HHIP: variants seen among roughly 807,000 people sequenced by gnomAD.
HHIP encodes the protein hedgehog-interacting protein.
In HHIP, 12 loss-of-function variants were observed where a neutral mutation model predicts 74.0. The observed-to-expected ratio is 0.16, with a 90% CI of 0.10 to 0.26. HHIP has a LOEUF of 0.26. Among genes scored for constraint, HHIP ranks in the 10% least tolerant of loss-of-function variants. The pLI, the probability that HHIP is intolerant of heterozygous loss-of-function variation, is 1.00. For missense variants in HHIP, 788 were observed against 845.0 expected (o/e 0.93, Z 0.84); for synonymous variants, 309 against 311.6 (o/e 0.99, Z 0.09).
rs146233465 is a variant in HHIP at position 144,708,212 on chromosome 4, T to C, written c.1202T>C (p.Met401Thr). The C allele has an allele frequency of 8.1e-6, 13 of 1,613,996 alleles. No individual in the cohort carries two copies. Among genetic ancestry groups the C allele is most frequent in the Admixed American group, 1.7e-5 (1 of 60,002 alleles). The stretch of plus-strand genomic sequence containing the variant: ...CTACGGCTGGATGTGGACACAGACA[T>C]GTGCAACGTGCCTTATTCCATACCA... Reference protein sequence around the residue: ...SVLRLDVDTDMCNVPYSIPRS... With the variant: ...SVLRLDVDTDTCNVPYSIPRS... The change falls in exon 7 of 13, where the codon ATG becomes ACG. Residue 401 changes from methionine to threonine, a missense_variant. By Grantham distance (81) the Met-to-Thr change is moderately conservative. Around this residue, in one of 3 missense-constraint regions of HHIP, gnomAD observed 72 missense variants for 130.6 expected, o/e 0.55. Coordinates refer to ENST00000296575, the MANE Select transcript of HHIP (RefSeq NM_022475.3).
chr4:144,649,952 C>G (rs1044803450), intron 1 of HHIP, among the ~76,000 whole-genome samples: 6 of 152,144 alleles, frequency 3.9e-5, no homozygotes, highest in Admixed American at 2.0e-4. Context: ...TTCAGAGACA[C>G]ATGTGTTCTA....
intron 4 of HHIP, among the ~76,000 whole-genome samples, chr4:144,687,063 T>C (rs1003645707): frequency 1.3e-5 from 2 of 152,212 alleles, no homozygotes; most frequent in Non-Finnish European, 2.9e-5. Flanking sequence ...GGTCATATAC[T>C]GCTGCTTTGT....
chr4:144,698,238 A>C (rs1286701402), intron 4 of HHIP, among the ~76,000 whole-genome samples: 1 of 152,164 alleles, frequency 6.6e-6, no homozygotes, highest in Non-Finnish European at 1.5e-5. Flanking sequence ...TGTGATGAAG[A>C]TGAGCTTGTG....
intron 4 of HHIP, among the ~76,000 whole-genome samples, chr4:144,699,339 G>A (rs1729912986): frequency 1.3e-5 from 2 of 152,180 alleles, no homozygotes; most frequent in South Asian, 2.1e-4. Context: ...AAATGGAAGA[G>A]AGGCATAAAA....
At chr4:144,723,021 T>C (rs1276601267) in intron 11 of HHIP, among the ~76,000 whole-genome samples, 2 of 152,226 alleles carry the variant, frequency 1.3e-5, no homozygotes, top group Non-Finnish European at 2.9e-5. Context: ...AATTTTTTTA[T>C]AGTATTGACA....
At chr4:144,702,903 T>C (rs1051262037) in intron 4 of HHIP, among the ~76,000 whole-genome samples, 2 of 152,116 alleles carry the variant, frequency 1.3e-5, no homozygotes, top group Admixed American at 6.5e-5. Context: ...ATTTTGGACA[T>C]TGGTTAACAG....
rs1384690826 is a variant in HHIP, at chr4:144,659,829, T to A, written c.822T>A (p.Ser274Arg). The change falls in exon 4 of 13, where the codon AGT (serine) becomes AGA (arginine). Residue 274 changes from serine to arginine, a missense_variant. Around this residue, in one of 3 missense-constraint regions of HHIP, gnomAD observed 373 missense variants for 366.4 expected, o/e 1.02. Transcript: ENST00000296575. ...PYLDIHKLVQSGIKGGDERGL... is the reference protein window; with the variant it reads ...PYLDIHKLVQRGIKGGDERGL... The stretch of plus-strand genomic sequence containing the variant: ...TGGACATTCACAAACTTGTTCAAAG[T>A]GGAATAAAGGTTGGCTTTTTAAATT... 1 of 1,611,658 alleles carries A rather than the reference T, an allele frequency of 6.2e-7. No homozygotes were observed. Among genetic ancestry groups the A allele is most frequent in the South Asian group, 1.1e-5 (1 of 90,464 alleles).
At chr4:144,695,493 T>C (rs372575972) in intron 4 of HHIP, among the ~76,000 whole-genome samples, 2 of 151,954 alleles carry the variant, frequency 1.3e-5, no homozygotes, top group East Asian at 1.9e-4. Flanking sequence ...CACATTTTTC[T>C]ATCATAAATC....
chr4:144,713,196 C>T (rs1730349714), intron 8 of HHIP, among the ~76,000 whole-genome samples: 2 of 152,064 alleles, frequency 1.3e-5, no homozygotes, highest in South Asian at 4.1e-4. Flanking sequence ...CTATCATTGG[C>T]CACATTGTAC....
At chr4:144,669,587 G>A (rs1032838964) in intron 4 of HHIP, among the ~76,000 whole-genome samples, 4 of 152,092 alleles carry the variant, frequency 2.6e-5, no homozygotes. Flanking sequence ...GATAAAATAT[G>A]TGCTAATTAC....
At chr4:144,665,627 A>G (rs1728839100) in intron 4 of HHIP, among the ~76,000 whole-genome samples, 1 of 152,130 alleles carries the variant, frequency 6.6e-6, no homozygotes, top group Non-Finnish European at 1.5e-5. Flanking sequence ...CATTTGGTTG[A>G]GTTAGTTTTT....
intron 2 of HHIP, 83 bp downstream of exon 2, chr4:144,652,880 A>G: frequency 2.2e-6 from 2 of 918,242 alleles, no homozygotes; most frequent in Non-Finnish European, 1.6e-6. Flanking sequence ...TTATTTACAA[A>G]ACTTGTAAAA....
intron 4 of HHIP, among the ~76,000 whole-genome samples, chr4:144,692,044 A>G (rs1289692141): frequency 6.6e-6 from 1 of 152,120 alleles, no homozygotes; most frequent in Non-Finnish European, 1.5e-5. Context: ...CCTCCCACCC[A>G]TCCCCACCAT....
In HHIP at chr4:144,738,218, A is replaced by G. The variant is rs1214814480; in HGVS notation, c.*261A>G. On this transcript the variant is annotated 3_prime_UTR_variant, in exon 13 of 13. Coordinates refer to ENST00000296575, the MANE Select transcript of HHIP (RefSeq NM_022475.3). ...TTAAAATATATACTTCCTTATGCAA[A>G]GTAATTTACACAGAAATTCCATTGT... is the stretch of plus-strand genomic sequence containing the variant. The G allele has an allele frequency of 1.9e-6, 2 of 1,043,174 alleles. No individual in the cohort carries two copies. Among genetic ancestry groups the G allele is most frequent in the East Asian group, 6.9e-5 (1 of 14,496 alleles). The allele number at this position is 1,043,174 out of a possible 1,614,324, so 64.6% of individuals were successfully genotyped here.
In HHIP at chr4:144,743,149, C is replaced by T. The variant is rs915301053; in HGVS notation, c.*5192C>T. The T allele has an allele frequency of 6.7e-6, 1 of 149,760 alleles. No homozygotes were observed. The highest frequency in any genetic ancestry group is 1.5e-5 in the Non-Finnish European group (1 of 67,544). The allele number at this position is 149,760 out of a possible 1,614,324, so 9.3% of individuals were successfully genotyped here. A position where few individuals can be genotyped will look rare whatever the true frequency, so the allele number is the denominator to read the frequency against. ...TCTTCTCTGAATAAGTTCTGGACTT[C>T]ACCTTAAAATAAGTTTTTAGGAGAG... On this transcript the variant is annotated 3_prime_UTR_variant, in exon 13 of 13. Coordinates refer to ENST00000296575, the MANE Select transcript of HHIP (RefSeq NM_022475.3).
chr4:144,734,649 A>T, intron 11 of HHIP, 92 bp from the exon 12 acceptor site: 4 of 986,506 alleles, frequency 4.1e-6, no homozygotes, highest in Non-Finnish European at 5.7e-6. Flanking sequence ...AGAAAGTAAG[A>T]GGCATGCTTT....
In HHIP at chr4:144,715,343, C is replaced by G; in HGVS notation, c.1591C>G (p.Gln531Glu). Reference sequence around the variant, plus strand: ...GCAAAGTCCTGTGACAAAGCAGTGGCAAGAAAAACCACTCTGTCTCGGCAC... The same window carrying G: ...GCAAAGTCCTGTGACAAAGCAGTGGGAAGAAAAACCACTCTGTCTCGGCAC... ...LQQSPVTKQW[Q>E]EKPLCLGTSG... Residue 531 changes from glutamine to glutamate, a missense_variant, in exon 10 of 13, where the codon CAA becomes GAA. Physicochemically the swap from Gln to Glu is conservative, Grantham distance 29 (BLOSUM62 2). Around this residue, in one of 3 missense-constraint regions of HHIP, gnomAD observed 343 missense variants for 347.9 expected, o/e 0.99. Transcript: ENST00000296575. 1 of 1,608,686 alleles carries G rather than the reference C, an allele frequency of 6.2e-7. No individual in the cohort carries two copies. The highest frequency in any genetic ancestry group is 8.5e-7 in the Non-Finnish European group (1 of 1,176,526).
chr4:144,708,450 G>C (rs1283182137), intron 7 of HHIP, 139 bp downstream of exon 7: 1 of 729,716 alleles, frequency 1.4e-6, no homozygotes, highest in African/African-American at 1.8e-5. Context: ...AGTCACAACA[G>C]GTCATTACTC....
chr4:144,673,129 C>G (rs946547013), intron 4 of HHIP, among the ~76,000 whole-genome samples: 1 of 152,290 alleles, frequency 6.6e-6, no homozygotes, highest in African/African-American at 2.4e-5. Context: ...GTTCTTTGTG[C>G]CTGTGAGCCA....
Sources: gnomAD v4.1 joint callset for allele counts (sites outside exome capture counted in the v4.1 genomes callset) on GRCh38, gnomAD v4.1.1 for gene constraint, gnomAD v4.1.1 regional missense constraint, MANE v1.5 for transcripts, NCBI Gene and HGNC (gene_info 2026-07-23, HGNC 2026-07-21) for gene names.